The following HECTD4 variants were observed in gnomAD, a reference collection of about 807,000 sequenced individuals.
HECTD4 encodes probable E3 ubiquitin-protein ligase HECTD4.
HECTD4 carries 114 observed loss-of-function variants against 471.5 expected under a neutral mutation model. The observed-to-expected ratio is 0.24, with a 90% confidence interval of 0.21 to 0.28. The LOEUF (loss-of-function observed/expected upper bound fraction) is 0.28. Ranked by LOEUF, HECTD4 falls within the 10% of genes least tolerant of loss-of-function variation. The pLI is 1.00. For synonymous variants in HECTD4, 2,012 were observed against 2,256.0 expected (o/e 0.89, Z 3.07); for missense variants, 3,866 against 5,651.5 (o/e 0.68, Z 10.13).
At chr12:112,338,057 T>C (rs932524048) in intron 1 of HECTD4, among the ~76,000 whole-genome samples, 5 of 152,322 alleles carry the variant, frequency 3.3e-5, no homozygotes, top group Middle Eastern at 6.8e-3. Flanking sequence ...GCTAGAAGTC[T>C]GAAATCGGTA....
At chr12:112,169,823 T>C (rs2031141069) in intron 69 of HECTD4, 165 bp from the exon 70 acceptor site, 4 of 785,714 alleles carry the variant, frequency 5.1e-6, no homozygotes, top group Non-Finnish European at 8.5e-6. Context: ...TAGAGCCTTC[T>C]GTGCCTTAGC....
At position 112,251,105 on chromosome 12, in the gene HECTD4, C is replaced by T. The variant is rs777172292; in HGVS notation, c.3582G>A (p.Leu1194=). The T allele has an allele frequency of 1.2e-6, 2 of 1,613,980 alleles. No individual in the cohort carries two copies. Among genetic ancestry groups the T allele is most frequent in the Admixed American group, 1.7e-5 (1 of 60,014 alleles). The change falls in exon 24 of 76, where the codon TTG becomes TTA. Residue 1194 remains leucine (L), a synonymous_variant. Transcript: ENST00000682272. ...CTAAAGCCAGGTCTACCAGAAAGGG[C>T]AAGCCTCCTGAGACATCCTCCGAAG... ...QESSEDVSGG[L]PFLVDLALGL...
At chr12:112,313,691 T>C (rs938617543) in intron 3 of HECTD4, among the ~76,000 whole-genome samples, 8 of 151,918 alleles carry the variant, frequency 5.3e-5, no homozygotes, top group African/African-American at 1.5e-4. Context: ...GGTTTTGCCA[T>C]GTTGGCAGGC....
At chr12:112,229,990 C>A in intron 40 of HECTD4, 110 bp from the exon 41 acceptor site, 1 of 1,032,848 alleles carries the variant, frequency 9.7e-7, no homozygotes, top group South Asian at 1.7e-5. Context: ...TGAAGGAACT[C>A]TGGACATGTG....
chr12:112,189,778 A>G (rs1408978262), intron 60 of HECTD4, among the ~76,000 whole-genome samples: 2 of 150,948 alleles, frequency 1.3e-5, no homozygotes, highest in Non-Finnish European at 1.5e-5. Flanking sequence ...TTTGAGATGG[A>G]GTTTCGCTCT....
At chr12:112,287,141 G>A (rs539210999) in intron 7 of HECTD4, among the ~76,000 whole-genome samples, 3 of 152,174 alleles carry the variant, frequency 2.0e-5, no homozygotes, top group East Asian at 3.9e-4. Context: ...TATGTGCCCC[G>A]CAAGCTAAAG....
chr12:112,232,497 A>G (rs954807643), intron 38 of HECTD4, among the ~76,000 whole-genome samples: 1 of 152,126 alleles, frequency 6.6e-6, no homozygotes, highest in African/African-American at 2.4e-5. Flanking sequence ...GACACTTGAG[A>G]CTTTATTTAC....
rs2030695447 is a variant in HECTD4, at chr12:112,161,670, A to C, written c.*717T>G. Reference sequence around the variant, plus strand: ...GGCTCTGTGAACTAAGGTCGGGATGAACCCTTAAGTCTCCTGCTCCCGAGG... The same window carrying C: ...GGCTCTGTGAACTAAGGTCGGGATGCACCCTTAAGTCTCCTGCTCCCGAGG... On this transcript the variant is annotated 3_prime_UTR_variant, in exon 76 of 76. Transcript: ENST00000682272. The C allele has an allele frequency of 1.3e-5, 2 of 152,182 alleles. No individual in the cohort carries two copies. The highest frequency in any genetic ancestry group is 2.9e-5 in the Non-Finnish European group (2 of 68,070). 9.4% of individuals were successfully genotyped at this position (152,182 alleles called of 1,614,324 possible).
In HECTD4 at chr12:112,184,679, T is replaced by C; in HGVS notation, c.10287A>G (p.Lys3429=). The C allele has an allele frequency of 6.2e-7, 1 of 1,605,854 alleles. No individual in the cohort carries two copies. The highest frequency in any genetic ancestry group is 1.1e-5 in the South Asian group (1 of 90,698). ...CCTGCAGCGGGATGTAGATCTCGTC[T>C]TTGAAGACCCCGCCGTGGGCGTTGC... is the stretch of plus-strand genomic sequence containing the variant. ...KACNAHGGVF[K]DEIYIPLQEE... The change falls in exon 61 of 76, where the codon AAA becomes AAG. Residue 3429 remains lysine, a synonymous_variant. Transcript: ENST00000682272. The surrounding 1 kb of genome is among the most constrained non-coding windows in gnomAD (Gnocchi z 9.1).
intron 1 of HECTD4, among the ~76,000 whole-genome samples, chr12:112,372,788 G>C (rs894876779): frequency 6.6e-6 from 1 of 151,638 alleles, no homozygotes; most frequent in Non-Finnish European, 1.5e-5. Flanking sequence ...ACAGGGTCTG[G>C]CTCTGTCACC....
At position 112,163,456 on chromosome 12, in the gene HECTD4, G is replaced by C; in HGVS notation, c.12897+86C>G. On this transcript the variant is annotated intron_variant, in intron 74 of 75. Transcript: ENST00000682272. The surrounding 1 kb of genome is among the most constrained non-coding windows in gnomAD (Gnocchi z 8.2). Reference sequence around the variant, plus strand: ...GACAGAGCTGAGACAGGCCACTGCCGATGCCTGCTGCTGGAGTTGAGGGTG... The same window carrying C: ...GACAGAGCTGAGACAGGCCACTGCCCATGCCTGCTGCTGGAGTTGAGGGTG... 8.2e-7 allele frequency: 1 copy of C among 1,226,402 alleles called. No homozygotes were observed. The highest frequency in any genetic ancestry group is 1.1e-6 in the Non-Finnish European group (1 of 896,402). 76.0% of individuals were successfully genotyped at this position (1,226,402 alleles called of 1,614,324 possible). A position where few individuals can be genotyped will look rare whatever the true frequency, so the allele number is the denominator to read the frequency against.
chr12:112,234,966 G>T, intron 37 of HECTD4, 111 bp downstream of exon 37: 1 of 853,522 alleles, frequency 1.2e-6, no homozygotes, highest in Non-Finnish European at 1.8e-6. Context: ...TACCTGAAAG[G>T]GGTGTAAAGA....
chr12:112,229,677 G>A (rs1282903516), intron 41 of HECTD4, 21 bp downstream of exon 41: 1 of 1,594,848 alleles, frequency 6.3e-7, no homozygotes, highest in Non-Finnish European at 8.6e-7. Context: ...GCAATGATTT[G>A]GGGAACATGG....
intron 1 of HECTD4, among the ~76,000 whole-genome samples, chr12:112,357,777 T>C (rs1445675624): frequency 6.6e-6 from 1 of 152,238 alleles, no homozygotes; most frequent in Non-Finnish European, 1.5e-5. Context: ...TAGTTTTATG[T>C]TACTTACAAA....
In HECTD4 at chr12:112,324,046, CTTTCTTTCTTTCT is replaced by C. The variant is rs1369207924; in HGVS notation, c.178-4317_178-4305del. On this transcript the variant is annotated intron_variant, in intron 1 of 75. Coordinates refer to ENST00000682272, the MANE Select transcript of HECTD4 (RefSeq NM_001388303.1). ...CCTTCCTTCCTTCCTTCCTTCCTTCCTTTCTTTCTTTCTTTCTTTCTTTCTTTCTTTCTTTCTT... is the reference window on the plus strand; with the variant it reads ...CCTTCCTTCCTTCCTTCCTTCCTTCCTTCTTTCTTTCTTTCTTTCTTTCTT... Among the ~76,000 whole-genome samples, 88 of 46,444 alleles carry C rather than the reference CTTTCTTTCTTTCT, an allele frequency of 1.9e-3. 9 individuals are homozygous for C. Among genetic ancestry groups the C allele is most frequent in the African/African-American group, 0.016 (78 of 4,846 alleles). 30.5% of individuals were successfully genotyped at this position (46,444 alleles called of 152,430 possible).
In HECTD4 at chr12:112,376,046, A is replaced by C. The variant is rs567146363; in HGVS notation, c.177+5906T>G. On this transcript the variant is annotated intron_variant, in intron 1 of 75. Coordinates refer to ENST00000682272, the MANE Select transcript of HECTD4 (RefSeq NM_001388303.1). ...AACCGAGATACAGCCATTGCACCCTAGGTTGGGCAACAGAGCAGGACTCCT... is the reference window on the plus strand; with the variant it reads ...AACCGAGATACAGCCATTGCACCCTCGGTTGGGCAACAGAGCAGGACTCCT... 4.6e-5 allele frequency among the ~76,000 whole-genome samples: 7 copies of C among 152,242 alleles called. No homozygotes were observed. In the South Asian group the frequency reaches 1.5e-3, roughly 32 times the overall value.
intron 7 of HECTD4, among the ~76,000 whole-genome samples, chr12:112,288,926 G>C (rs1256056107): frequency 2.0e-5 from 3 of 152,124 alleles, no homozygotes; most frequent in Non-Finnish European, 4.4e-5. Context: ...ACTTAGCTTG[G>C]GGATTGTTCA....
intron 7 of HECTD4, among the ~76,000 whole-genome samples, chr12:112,301,185 C>T (rs940925058): frequency 1.3e-5 from 2 of 149,710 alleles, no homozygotes; most frequent in Admixed American, 6.7e-5. Context: ...CACGCCCGGT[C>T]GTACTTTTTT....
intron 7 of HECTD4, among the ~76,000 whole-genome samples, chr12:112,295,637 GCC>G (rs2034991615): frequency 6.6e-6 from 1 of 150,548 alleles, no homozygotes; most frequent in African/African-American, 2.4e-5. Flanking sequence ...ACTGTACCTG[GCC>G]CTTTTTTTCT....
Sources: allele counts gnomAD v4.1 joint callset (sites outside exome capture counted in the v4.1 genomes callset), GRCh38; gene constraint gnomAD v4.1.1; non-coding constraint Gnocchi (gnomAD v3.1); transcripts MANE v1.5; gene names NCBI Gene and HGNC (gene_info 2026-07-23, HGNC 2026-07-21).